FBXO15: variants seen among roughly 807,000 people sequenced by gnomAD.
FBXO15 encodes F-box only protein 15.
Under a neutral mutation model 49.5 loss-of-function variants are expected in FBXO15, and 30 were observed. The ratio of observed to expected loss-of-function variants is 0.61; its 90% CI spans 0.45 to 0.82. The LOEUF (loss-of-function observed/expected upper bound fraction) is 0.82. Ranked by LOEUF, FBXO15 falls within the 40% of genes least tolerant of loss-of-function variation. The pLI is 0.00. For synonymous variants in FBXO15, 250 were observed against 232.7 expected, an observed-to-expected ratio of 1.07 and a Z score of -0.68; for missense variants, 591 against 631.5, an observed-to-expected ratio of 0.94 and a Z score of 0.69.
At chr18:74,088,070 CTTGTGAAT>C (rs1038818439) in intron 8 of FBXO15, among the ~76,000 whole-genome samples, 1 of 151,614 alleles carries the variant, frequency 6.6e-6, no homozygotes, top group Non-Finnish European at 1.5e-5. Flanking sequence ...GTTTTTTTTG[CTTGTGAAT>C]TTAAGTTCCT....
At chr18:74,128,934 A>G (rs2145200297) in intron 5 of FBXO15, among the ~76,000 whole-genome samples, 1 of 152,348 alleles carries the variant, frequency 6.6e-6, no homozygotes, top group South Asian at 2.1e-4. Flanking sequence ...CATTTCATAG[A>G]GGAGAGAATG....
chr18:74,109,261 A>T (rs1270263787), intron 8 of FBXO15, among the ~76,000 whole-genome samples: 1 of 152,198 alleles, frequency 6.6e-6, no homozygotes, highest in Non-Finnish European at 1.5e-5. Flanking sequence ...GATAAATGCA[A>T]ATCAAAACCA....
At chr18:74,138,819 T>C (rs1156525586) in intron 2 of FBXO15, among the ~76,000 whole-genome samples, 1 of 152,130 alleles carries the variant, frequency 6.6e-6, no homozygotes, top group Non-Finnish European at 1.5e-5. Context: ...TACTTGCCTG[T>C]TTCCCCCTCA....
intron 8 of FBXO15, among the ~76,000 whole-genome samples, chr18:74,121,221 C>T (rs1484996497): frequency 6.6e-6 from 1 of 152,118 alleles, no homozygotes. Flanking sequence ...TGAATTCTAC[C>T]AAACAAGGAA....
At chr18:74,125,328 T>C (rs140566703) in intron 6 of FBXO15, among the ~76,000 whole-genome samples, 5 of 152,232 alleles carry the variant, frequency 3.3e-5, no homozygotes, top group African/African-American at 4.8e-5. Flanking sequence ...ACGGCCACAG[T>C]TGGCTAAGGA....
chr18:74,090,540 T>C (rs565185584), intron 8 of FBXO15, among the ~76,000 whole-genome samples: 6 of 152,332 alleles, frequency 3.9e-5, no homozygotes, highest in African/African-American at 1.4e-4. Context: ...TGTGGGTGTT[T>C]AGTGCTATAA....
chr18:74,080,847 C>T (rs556914753), intron 9 of FBXO15, among the ~76,000 whole-genome samples: 2 of 152,304 alleles, frequency 1.3e-5, no homozygotes, highest in Admixed American at 6.5e-5. Context: ...CCAGAAAACA[C>T]AGAACAAATT....
chr18:74,085,680 T>C (rs557970956), intron 8 of FBXO15, among the ~76,000 whole-genome samples: 2 of 152,364 alleles, frequency 1.3e-5, no homozygotes, highest in African/African-American at 4.8e-5. Flanking sequence ...AATTGATTTT[T>C]GACAAAGTCA....
intron 7 of FBXO15, 86 bp from the exon 8 acceptor site, chr18:74,123,596 C>T (rs1914565749): frequency 7.1e-7 from 1 of 1,415,772 alleles, no homozygotes; most frequent in African/African-American, 1.4e-5. Context: ...AAAAAATTAC[C>T]ATCTGTATCA....
intron 8 of FBXO15, among the ~76,000 whole-genome samples, chr18:74,106,986 G>A (rs1913795715): frequency 6.6e-6 from 1 of 152,032 alleles, no homozygotes; most frequent in Non-Finnish European, 1.5e-5. Flanking sequence ...TTCACATAAT[G>A]TTGTCTAAGG....
At chr18:74,099,483 A>C (rs1913419951) in intron 8 of FBXO15, 1 of 152,160 alleles carries the variant, frequency 6.6e-6, no homozygotes, top group South Asian at 2.1e-4. Context: ...AAAAGCATAA[A>C]TCTCACAGGA....
intron 8 of FBXO15, among the ~76,000 whole-genome samples, chr18:74,112,525 A>G (rs1914072481): frequency 6.6e-6 from 1 of 152,220 alleles, no homozygotes. Context: ...TTAATAAAGA[A>G]TAGCTACATC....
chr18:74,099,601 C>A (rs1036700821), intron 8 of FBXO15: 7 of 152,136 alleles, frequency 4.6e-5, no homozygotes, highest in Non-Finnish European at 1.0e-4. Context: ...GGCCTAAATG[C>A]TCCATTTAAA....
chr18:74,082,055 A>G lies in FBXO15; in HGVS notation c.1139-4T>C. On this transcript the variant is annotated splice_polypyrimidine_tract_variant and splice_region_variant and intron_variant, in intron 8 of 9. Transcript: ENST00000419743. ...ACATGTCCATTTTCAATATTTCCTGAAAAGATATAAGATTGTTTCAATCAC... is the reference window on the plus strand; with the variant it reads ...ACATGTCCATTTTCAATATTTCCTGGAAAGATATAAGATTGTTTCAATCAC... The G allele has an allele frequency of 6.2e-7, 1 of 1,610,330 alleles. No homozygotes were observed. The highest frequency in any genetic ancestry group is 8.5e-7 in the Non-Finnish European group (1 of 1,178,900).
At chr18:74,081,221 C>T (rs987815295) in intron 9 of FBXO15, among the ~76,000 whole-genome samples, 3 of 152,128 alleles carry the variant, frequency 2.0e-5, no homozygotes, top group South Asian at 2.1e-4. Flanking sequence ...TGCATAGCGC[C>T]GTATAAAGCC....
rs141908194 is a variant in FBXO15, at chr18:74,135,787, G to T, written c.307C>A (p.Arg103Ser). The change falls in exon 3 of 10, where the codon CGC (arginine) becomes AGC (serine). Residue 103 changes from arginine to serine, a missense_variant. Physicochemically the swap from Arg to Ser is moderately radical, Grantham distance 110. Transcript: ENST00000419743. ...TTGTCATTGGCTAGATGATAAAAGC[G>T]CCTGCTCACACATCCAGTACACAGA... ...SLLCTGCVSRRFYHLANDNFI... is the reference protein window; with the variant it reads ...SLLCTGCVSRSFYHLANDNFI... The T allele has an allele frequency of 4.2e-5, 68 of 1,608,376 alleles. No individual in the cohort carries two copies. The highest frequency in any genetic ancestry group is 5.5e-5 in the Non-Finnish European group (65 of 1,178,566).
Position 74,135,884 on chromosome 18 carries a change from G to GAAA in FBXO15, c.228-21_228-19dup. On this transcript the variant is annotated intron_variant, in intron 2 of 9. Transcript: ENST00000419743. ...AAGGCATTCTGCAAAAACAGAAAAA[G>GAAA]AAAAAAAAAATCACCAGAGTGGACC... 1 of 1,512,536 alleles carries GAAA rather than the reference G, an allele frequency of 6.6e-7. No individual in the cohort carries two copies. The highest frequency in any genetic ancestry group is 8.9e-7 in the Non-Finnish European group (1 of 1,117,534). 93.7% of individuals were successfully genotyped at this position (1,512,536 alleles called of 1,614,324 possible).
At chr18:74,119,462 T>C (rs1019050852) in intron 8 of FBXO15, among the ~76,000 whole-genome samples, 1 of 152,050 alleles carries the variant, frequency 6.6e-6, no homozygotes, top group African/African-American at 2.4e-5. Context: ...ACTACCTAAA[T>C]AAGTAAACTC....
chr18:74,100,731 A>G (rs1381115099), intron 8 of FBXO15, among the ~76,000 whole-genome samples: 2 of 152,152 alleles, frequency 1.3e-5, no homozygotes, highest in Admixed American at 6.5e-5. Context: ...GAGATATTAC[A>G]ACTGATACCA....
Sources: gnomAD v4.1 joint callset for allele counts (sites outside exome capture counted in the v4.1 genomes callset) on GRCh38, gnomAD v4.1.1 for gene constraint, MANE v1.5 for transcripts, NCBI Gene and HGNC (gene_info 2026-07-23, HGNC 2026-07-21) for gene names.